Variants in CRTC3 observed in about 807,000 individuals in gnomAD.
The protein encoded by CRTC3 is CREB regulated transcription coactivator 3.
In CRTC3, 26 loss-of-function variants were observed where a neutral mutation model predicts 74.5. The observed-to-expected ratio is 0.35, with a 90% CI of 0.26 to 0.48. The LOEUF (loss-of-function observed/expected upper bound fraction) is 0.48. Ranked by LOEUF, CRTC3 falls within the 20% of genes least tolerant of loss-of-function variation. The pLI is 0.99. For synonymous variants in CRTC3, 377 were observed against 325.8 expected (o/e 1.16, Z -1.69); for missense variants, 760 against 787.3 (o/e 0.97, Z 0.41).
chr15:90,607,355 A>G (rs763444069), intron 5 of CRTC3, 23 bp from the exon 6 acceptor site: 2 of 1,453,718 alleles, frequency 1.4e-6, no homozygotes, highest in South Asian at 2.4e-5. Context: ...ATTTTCAGCC[A>G]GCCTCTCTCC....
At chr15:90,614,418 A>C (rs1352059964) in intron 6 of CRTC3, 35 bp from the exon 7 acceptor site, 1 of 1,507,478 alleles carries the variant, frequency 6.6e-7, no homozygotes, top group South Asian at 1.1e-5. Flanking sequence ...ACCACATAAA[A>C]GTGTTTTCTT....
chr15:90,554,782 T>C (rs1404735551), intron 2 of CRTC3, among the ~76,000 whole-genome samples: 1 of 152,266 alleles, frequency 6.6e-6, no homozygotes, highest in African/African-American at 2.4e-5. Context: ...GGTTTTGTTG[T>C]TACTGCAGCA....
Position 90,561,898 on chromosome 15 carries a change from A to G in CRTC3, c.231+21761A>G, listed in dbSNP as rs150885525. On this transcript the variant is annotated intron_variant, in intron 2 of 14. Transcript: ENST00000268184. ...TTAGTTGTTTATTATTACTGTGGATATTTTCCAAGAGACAGAATAACATCT... is the reference window on the plus strand; with the variant it reads ...TTAGTTGTTTATTATTACTGTGGATGTTTTCCAAGAGACAGAATAACATCT... Among the ~76,000 whole-genome samples the G allele has an allele frequency of 7.9e-5, 12 of 152,316 alleles. 1 individual carries two copies. The East Asian group carries it at 2.3e-3, about 29-fold the overall frequency.
At chr15:90,571,570 C>T (rs996170288) in intron 2 of CRTC3, among the ~76,000 whole-genome samples, 3 of 152,120 alleles carry the variant, frequency 2.0e-5, no homozygotes, top group African/African-American at 7.2e-5. Flanking sequence ...TGTCCTAAGG[C>T]GGTGTAAAGC....
intron 2 of CRTC3, among the ~76,000 whole-genome samples, chr15:90,550,626 C>T (rs1351308190): frequency 6.6e-6 from 1 of 152,046 alleles, no homozygotes; most frequent in Non-Finnish European, 1.5e-5. Context: ...TTTGAAATCT[C>T]ATTTGTCCTC....
chr15:90,625,065 A>G (rs918127098), intron 9 of CRTC3: 2 of 152,550 alleles, frequency 1.3e-5, no homozygotes, highest in Non-Finnish European at 2.9e-5. Context: ...TTATGAAGGT[A>G]TAATATGTCA....
chr15:90,573,317 A>T (rs1415738521), intron 2 of CRTC3, among the ~76,000 whole-genome samples: 4 of 152,282 alleles, frequency 2.6e-5, no homozygotes, highest in East Asian at 1.9e-4. Context: ...TTCCTTGTAT[A>T]TTCCAAATAT....
Position 90,620,962 on chromosome 15 carries a change from G to A in CRTC3, c.749+1172G>A, listed in dbSNP as rs1968630099. On this transcript the variant is annotated intron_variant, in intron 9 of 14. Transcript: ENST00000268184. The stretch of plus-strand genomic sequence containing the variant: ...AGACATTCTTTCTGGCAGGTTAAAC[G>A]TAAACTCAGGTGATTTGCTGAGCTG... Among the ~76,000 whole-genome samples the A allele has an allele frequency of 2.0e-5, 3 of 152,170 alleles. 1 individual carries two copies. The highest frequency in any genetic ancestry group is 1.9e-4 in the East Asian group (1 of 5,166).
intron 2 of CRTC3, among the ~76,000 whole-genome samples, chr15:90,565,208 A>T (rs1345184301): frequency 6.6e-6 from 1 of 152,136 alleles, no homozygotes; most frequent in Non-Finnish European, 1.5e-5. Context: ...TCAGCCTCCC[A>T]AAGTACTGGG....
intron 12 of CRTC3, 24 bp from the exon 13 acceptor site, chr15:90,638,711 T>G: frequency 6.2e-7 from 1 of 1,613,576 alleles, no homozygotes; most frequent in African/African-American, 1.3e-5. Flanking sequence ...CCAAGCTAAA[T>G]GATCATCTCC....
intron 2 of CRTC3, among the ~76,000 whole-genome samples, chr15:90,569,577 G>A (rs1293522619): frequency 1.2e-5 from 1 of 86,468 alleles, no homozygotes; most frequent in Non-Finnish European, 2.9e-5. Context: ...ATTGGTATAC[G>A]TCTTTTTTGC....
At chr15:90,587,213 G>A (rs1202677988) in intron 2 of CRTC3, among the ~76,000 whole-genome samples, 1 of 152,166 alleles carries the variant, frequency 6.6e-6, no homozygotes, top group Non-Finnish European at 1.5e-5. Context: ...TGATAGGTAG[G>A]TGTGCACCTA....
chr15:90,552,811 C>T (rs560668019), intron 2 of CRTC3, among the ~76,000 whole-genome samples: 12 of 152,280 alleles, frequency 7.9e-5, no homozygotes, highest in African/African-American at 2.9e-4. Context: ...AAAACTGATT[C>T]CTTCCCAAGC....
intron 1 of CRTC3, among the ~76,000 whole-genome samples, chr15:90,538,868 A>G (rs1966761225): frequency 6.6e-6 from 1 of 150,462 alleles, no homozygotes; most frequent in Non-Finnish European, 1.5e-5. Context: ...ATGGGCTTTG[A>G]GGCTGACAGC....
intron 10 of CRTC3, among the ~76,000 whole-genome samples, chr15:90,626,282 A>G (rs1188510018): frequency 6.6e-6 from 1 of 152,110 alleles, no homozygotes; most frequent in Non-Finnish European, 1.5e-5. Flanking sequence ...ATAAGCATCC[A>G]CTCCGTGTTG....
At chr15:90,558,434 C>T (rs1175605877) in intron 2 of CRTC3, among the ~76,000 whole-genome samples, 1 of 152,134 alleles carries the variant, frequency 6.6e-6, no homozygotes. Context: ...GCAGGCAGTC[C>T]CTGTAGGGCC....
At position 90,644,861 on chromosome 15, in the gene CRTC3, A is replaced by T. The variant is rs1969570859; in HGVS notation, c.*2721A>T. The T allele has an allele frequency of 4.3e-6, 1 of 232,408 alleles. No homozygotes were observed. 14.4% of individuals were successfully genotyped at this position (232,408 alleles called of 1,614,324 possible). A position where few individuals can be genotyped will look rare whatever the true frequency, so the allele number is the denominator to read the frequency against. On this transcript the variant is annotated 3_prime_UTR_variant, in exon 15 of 15. Coordinates refer to ENST00000268184, the MANE Select transcript of CRTC3 (RefSeq NM_022769.5). ...TTAGTTTTGTCACAAGAAATCGACCATTGTACTACTCTCACTTACAGCAGT... is the reference window on the plus strand; with the variant it reads ...TTAGTTTTGTCACAAGAAATCGACCTTTGTACTACTCTCACTTACAGCAGT...
chr15:90,590,133 A>C (rs1322916456), intron 2 of CRTC3, among the ~76,000 whole-genome samples: 2 of 152,052 alleles, frequency 1.3e-5, no homozygotes, highest in Non-Finnish European at 2.9e-5. Flanking sequence ...TCTACTAAAA[A>C]TACAAAAAAA....
At chr15:90,634,437 T>TG (rs1969159183) in intron 11 of CRTC3, among the ~76,000 whole-genome samples, 2 of 152,222 alleles carry the variant, frequency 1.3e-5, no homozygotes, top group African/African-American at 4.8e-5. Flanking sequence ...ATCCATACCC[T>TG]GCTTTTAAAA....
Sources: allele counts gnomAD v4.1 joint callset (sites outside exome capture counted in the v4.1 genomes callset), GRCh38; gene constraint gnomAD v4.1.1; transcripts MANE v1.5; gene names NCBI Gene and HGNC (gene_info 2026-07-23, HGNC 2026-07-21).